The following BICDL1 variants were observed in gnomAD, a reference collection of about 807,000 sequenced individuals.
BICDL1 encodes BICD family-like cargo adapter 1.
A neutral mutation model predicts 76.8 loss-of-function variants in BICDL1; 20 were observed. That is an observed-to-expected ratio of 0.26 (90% CI 0.18 to 0.38). The LOEUF is 0.38. Ranked by LOEUF, BICDL1 falls within the 10% of genes least tolerant of loss-of-function variation. BICDL1 has a pLI of 1.00. For missense variants in BICDL1, 700 were observed against 798.6 expected (o/e 0.88, Z 1.49); for synonymous variants, 383 against 337.1 (o/e 1.14, Z -1.49).
intron 8 of BICDL1, among the ~76,000 whole-genome samples, chr12:120,082,333 A>C (rs1307557309): frequency 6.8e-6 from 1 of 146,490 alleles, no homozygotes; most frequent in African/African-American, 2.5e-5. Context: ...GCTCACTGCA[A>C]CCTCCCCATC....
chr12:120,079,819 C>G lies in BICDL1; in HGVS notation c.1453-1068C>G, dbSNP rs537978218. On this transcript the variant is annotated intron_variant, in intron 7 of 9. Transcript: ENST00000548673. The surrounding 1 kb of genome is among the most constrained non-coding windows in gnomAD (Gnocchi z 4.3). Reference sequence around the variant, plus strand: ...AACAAACAAACTGCCGCCCTTGTCACTAATTCCTCCCTCGCCTGGGGCTTT... The same window carrying G: ...AACAAACAAACTGCCGCCCTTGTCAGTAATTCCTCCCTCGCCTGGGGCTTT... 2.0e-5 allele frequency among the ~76,000 whole-genome samples: 3 copies of G among 152,336 alleles called. No homozygotes were observed. In the East Asian group the frequency reaches 5.8e-4, roughly 29 times the overall value.
intron 3 of BICDL1, chr12:120,064,497 C>A: frequency 3.5e-6 from 1 of 285,850 alleles, no homozygotes. Context: ...CCTGGCATCC[C>A]ACATTCCAGC....
chr12:120,023,226 G>T (rs1952218287), intron 2 of BICDL1, among the ~76,000 whole-genome samples: 1 of 152,118 alleles, frequency 6.6e-6, no homozygotes, highest in African/African-American at 2.4e-5. Context: ...AAAATAAATT[G>T]CAAAAAGATC....
At chr12:120,055,847 A>G (rs1297750876) in intron 2 of BICDL1, among the ~76,000 whole-genome samples, 1 of 152,256 alleles carries the variant, frequency 6.6e-6, no homozygotes, top group Non-Finnish European at 1.5e-5. Flanking sequence ...AAATTGATGC[A>G]ACCTTTTTAG....
chr12:120,041,065 G>GA (rs1272237540), intron 2 of BICDL1, among the ~76,000 whole-genome samples: 3 of 152,026 alleles, frequency 2.0e-5, no homozygotes, highest in Admixed American at 6.6e-5. Flanking sequence ...ATACTTTTAA[G>GA]AAAAAATCTT....
chr12:120,072,558 C>G lies in BICDL1; in HGVS notation c.1137C>G (p.Cys379Trp). Residue 379 changes from cysteine (C) to tryptophan (W), a missense_variant, in exon 6 of 10, where the codon TGC becomes TGG. Transcript: ENST00000548673. Reference protein sequence around the residue: ...WEAYCQVRYLCSHLRGNDSAD... With the variant: ...WEAYCQVRYLWSHLRGNDSAD... ...CCTACTGCCAGGTTCGCTATCTGTG[C>G]TCACACCTTCGAGGCAATGACAGTG... 1 of 1,614,216 alleles carries G rather than the reference C, an allele frequency of 6.2e-7. No individual in the cohort carries two copies. Among genetic ancestry groups the G allele is most frequent in the Non-Finnish European group, 8.5e-7 (1 of 1,180,036 alleles).
In BICDL1 at chr12:120,062,666, A is replaced by G. The variant is rs79133072; in HGVS notation, c.762+840A>G. The stretch of plus-strand genomic sequence containing the variant: ...TAAATGACCTGAGGATGTTTTTCCT[A>G]AAGTCTGTCAATATCTTCTCTTTTC... On this transcript the variant is annotated intron_variant, in intron 3 of 9. Transcript: ENST00000548673. Among the ~76,000 whole-genome samples the G allele has an allele frequency of 9.8e-3, 1,486 of 152,232 alleles. 24 individuals carry two copies. The highest frequency in any genetic ancestry group is 0.043 in the East Asian group (225 of 5,184).
chr12:120,015,137 CT>C (rs1420549950), intron 2 of BICDL1, among the ~76,000 whole-genome samples: 3 of 152,276 alleles, frequency 2.0e-5, no homozygotes, highest in Non-Finnish European at 2.9e-5. Context: ...CCCCTTCCCA[CT>C]TGCAGTGGGA....
intron 2 of BICDL1, among the ~76,000 whole-genome samples, chr12:120,004,926 A>T (rs563833468): frequency 6.6e-6 from 1 of 152,074 alleles, no homozygotes; most frequent in South Asian, 2.1e-4. Flanking sequence ...GGTTCAAGGG[A>T]TTCTCCTGTC....
chr12:119,989,711 C>T lies in BICDL1; in HGVS notation c.-158C>T, dbSNP rs1341530961. ...CCGCCGGCGCGGGGGAGGGGCGGGC[C>T]GGCGCGCGCCGCGCCCAGGGCTCGC... On this transcript the variant is annotated 5_prime_UTR_variant, in exon 1 of 10. Coordinates refer to ENST00000548673, the MANE Select transcript of BICDL1 (RefSeq NM_001367886.1). Among the ~76,000 whole-genome samples the T allele has an allele frequency of 1.4e-5, 2 of 145,042 alleles. No homozygotes were observed. Among genetic ancestry groups the T allele is most frequent in the Admixed American group, 6.8e-5 (1 of 14,706 alleles).
At chr12:120,036,102 G>A (rs1952525955) in intron 2 of BICDL1, among the ~76,000 whole-genome samples, 1 of 152,124 alleles carries the variant, frequency 6.6e-6, no homozygotes. Context: ...ACTGGTGATG[G>A]TTTATAGGTT....
intron 2 of BICDL1, among the ~76,000 whole-genome samples, chr12:120,021,945 TAATAAA>T (rs1306459990): frequency 6.8e-6 from 1 of 146,750 alleles, no homozygotes; most frequent in African/African-American, 2.5e-5. Flanking sequence ...AAAAATAAAA[TAATAAA>T]AATAAAATAA....
At chr12:119,990,798 C>A (rs955242119) in intron 1 of BICDL1, among the ~76,000 whole-genome samples, 3 of 152,182 alleles carry the variant, frequency 2.0e-5, no homozygotes, top group African/African-American at 7.2e-5. Flanking sequence ...TTTATATAGC[C>A]TTCAAATGCT....
Position 120,048,474 on chromosome 12 carries a change from G to C in BICDL1, c.646-13236G>C, listed in dbSNP as rs142481114. Among the ~76,000 whole-genome samples the C allele has an allele frequency of 9.8e-3, 1,486 of 152,126 alleles. 9 individuals carry two copies. The highest frequency in any genetic ancestry group is 0.016 in the Non-Finnish European group (1,060 of 68,004). ...ACATGATGATTGGGCTTTCACACTT[G>C]TTTGAGGTGTGTCTTCCTCAAACCT... On this transcript the variant is annotated intron_variant, in intron 2 of 9. Coordinates refer to ENST00000548673, the MANE Select transcript of BICDL1 (RefSeq NM_001367886.1).
intron 2 of BICDL1, among the ~76,000 whole-genome samples, chr12:120,007,937 A>G (rs1403425949): frequency 6.6e-6 from 1 of 152,006 alleles, no homozygotes; most frequent in Non-Finnish European, 1.5e-5. Context: ...GTTCCTTTTG[A>G]GGTGGGGGCT....
chr12:119,998,493 T>C, intron 1 of BICDL1, 28 bp from the exon 2 acceptor site: 1 of 1,542,430 alleles, frequency 6.5e-7, no homozygotes, highest in African/African-American at 1.4e-5. Flanking sequence ...TTTTTATCAG[T>C]GTTTAAATCC....
intron 2 of BICDL1, among the ~76,000 whole-genome samples, chr12:120,042,542 C>T (rs781012758): frequency 6.6e-5 from 10 of 152,080 alleles, no homozygotes; most frequent in African/African-American, 9.7e-5. Context: ...TGGTGGCTCA[C>T]GTCTGTAATC....
At chr12:120,082,711 T>A (rs565019048) in intron 8 of BICDL1, among the ~76,000 whole-genome samples, 1 of 151,952 alleles carries the variant, frequency 6.6e-6, no homozygotes, top group South Asian at 2.1e-4. Flanking sequence ...GCCTCCCAAG[T>A]AGCTGTGCCA....
chr12:120,057,261 C>T (rs1010325342), intron 2 of BICDL1: 8 of 373,398 alleles, frequency 2.1e-5, no homozygotes, highest in East Asian at 8.1e-5. Flanking sequence ...GCGATCCTTC[C>T]ACCTTGGCCT....
Sources: gnomAD v4.1 joint callset for allele counts (sites outside exome capture counted in the v4.1 genomes callset) on GRCh38, gnomAD v4.1.1 for gene constraint, Gnocchi (gnomAD v3.1) non-coding constraint, MANE v1.5 for transcripts, NCBI Gene and HGNC (gene_info 2026-07-23, HGNC 2026-07-21) for gene names.